SCRN1: variants seen among roughly 807,000 people sequenced by gnomAD.
The protein encoded by SCRN1 is secernin-1.
SCRN1 carries 19 observed loss-of-function variants against 43.3 expected under a neutral mutation model. The observed-to-expected ratio is 0.44, with a 90% confidence interval of 0.31 to 0.64. SCRN1 has a LOEUF of 0.64. SCRN1 is among the 30% of genes least tolerant of loss of function. The pLI, the probability that SCRN1 is intolerant of heterozygous loss-of-function variation, is 0.09. For synonymous variants in SCRN1, 183 were observed against 188.9 expected (o/e 0.97, Z 0.26); for missense variants, 447 against 524.1 (o/e 0.85, Z 1.44).
At chr7:29,962,057 G>A (rs906200334) in intron 2 of SCRN1, among the ~76,000 whole-genome samples, 2 of 151,716 alleles carry the variant, frequency 1.3e-5, no homozygotes, top group African/African-American at 4.8e-5. Flanking sequence ...GTGTCCAGAG[G>A]TTGCCCTAGA....
chr7:29,989,661 G>A lies in SCRN1; in HGVS notation c.-21C>T. 1 of 985,688 alleles carries A rather than the reference G, an allele frequency of 1.0e-6. No individual in the cohort carries two copies. Among genetic ancestry groups the A allele is most frequent in the Non-Finnish European group, 1.2e-6 (1 of 830,130 alleles). 61.1% of individuals were successfully genotyped at this position (985,688 alleles called of 1,614,324 possible). ...GCTCACCTGGGGCGGCGGGCTCCGG[G>A]CTCCGCTCTCCGCTCTGCGGTGCTG... On this transcript the variant is annotated 5_prime_UTR_variant, in exon 1 of 8. Transcript: ENST00000242059.
intron 1 of SCRN1, among the ~76,000 whole-genome samples, chr7:29,978,398 G>T (rs1409790309): frequency 1.3e-5 from 2 of 152,176 alleles, no homozygotes; most frequent in African/African-American, 2.4e-5. Context: ...AACAGGGCCT[G>T]TATTTCCTAT....
chr7:29,940,216 T>C (rs923108774), intron 5 of SCRN1, among the ~76,000 whole-genome samples: 4 of 152,048 alleles, frequency 2.6e-5, no homozygotes, highest in Admixed American at 6.6e-5. Flanking sequence ...AGTTAGTAAC[T>C]AGTTGGCAGA....
At chr7:29,989,938 C>T (rs1789314990), upstream of SCRN1, 1 of 1,218,344 alleles carries the variant, frequency 8.2e-7, no homozygotes, top group Non-Finnish European at 1.0e-6. Flanking sequence ...CGCGGCGCTG[C>T]TCACCGTCGA....
intron 5 of SCRN1, among the ~76,000 whole-genome samples, chr7:29,937,469 G>A (rs774162217): frequency 4.6e-5 from 7 of 152,050 alleles, no homozygotes; most frequent in East Asian, 1.9e-4. Context: ...TTTAAGCTAC[G>A]TTAATTTGGG....
At position 29,955,183 on chromosome 7, in the gene SCRN1, C is replaced by G; in HGVS notation, c.337G>C (p.Val113Leu). 2.5e-6 allele frequency: 4 copies of G among 1,613,974 alleles called. No individual in the cohort carries two copies. The highest frequency in any genetic ancestry group is 3.4e-6 in the Non-Finnish European group (4 of 1,179,912). The change falls in exon 3 of 8, where the codon GTC (valine) becomes CTC (leucine). Residue 113 changes from valine (V) to leucine (L), a missense_variant. By Grantham distance (32) the Val-to-Leu change is conservative. Coordinates refer to ENST00000242059, the MANE Select transcript of SCRN1 (RefSeq NM_014766.5). Reference sequence around the variant, plus strand: ...CAAAGAATCACCATGCAGTACCTGACCAGATCCATCCCCAGCAAGGCTTCT... The same window carrying G: ...CAAAGAATCACCATGCAGTACCTGAGCAGATCCATCCCCAGCAAGGCTTCT... ...EIEALLGMDL[V>L]RLGLERGETA...
intron 3 of SCRN1, among the ~76,000 whole-genome samples, chr7:29,945,301 G>C (rs140967242): frequency 1.2e-4 from 19 of 152,268 alleles, no homozygotes; most frequent in African/African-American, 4.1e-4. Flanking sequence ...TTGTGGGAGG[G>C]ACCCAAAAGG....
chr7:29,976,164 C>T (rs1444782408), intron 1 of SCRN1, among the ~76,000 whole-genome samples: 2 of 152,198 alleles, frequency 1.3e-5, no homozygotes, highest in African/African-American at 4.8e-5. Context: ...TTCAGACCAA[C>T]GCTGTCCAGG....
At chr7:29,925,453 G>A (rs1330600283) in intron 7 of SCRN1, among the ~76,000 whole-genome samples, 6 of 152,164 alleles carry the variant, frequency 3.9e-5, no homozygotes, top group Non-Finnish European at 8.8e-5. Context: ...AGGCCAGTTT[G>A]GACCTATTAA....
At position 29,936,545 on chromosome 7, in the gene SCRN1, C is replaced by G; in HGVS notation, c.905+11G>C. ...TTATGTTCTGCCTACGTGACCAGGC[C>G]TCGGACAAACCTGGAAGGATCAGGG... On this transcript the variant is annotated intron_variant, in intron 6 of 7. Transcript: ENST00000242059. The G allele has an allele frequency of 2.6e-6, 4 of 1,558,202 alleles. No individual in the cohort carries two copies. The highest frequency in any genetic ancestry group is 2.6e-6 in the Non-Finnish European group (3 of 1,140,622).
At chr7:29,932,963 G>T (rs1787210639) in intron 6 of SCRN1, among the ~76,000 whole-genome samples, 1 of 151,874 alleles carries the variant, frequency 6.6e-6, no homozygotes, top group African/African-American at 2.4e-5. Flanking sequence ...TGCAACCTTT[G>T]CCTCCCAGGT....
chr7:29,934,905 A>T (rs1787274662), intron 6 of SCRN1, among the ~76,000 whole-genome samples: 1 of 152,228 alleles, frequency 6.6e-6, no homozygotes, highest in Admixed American at 6.5e-5. Flanking sequence ...AGGAGGATGC[A>T]CGGCTCTAGC....
At chr7:29,925,622 T>C (rs1183834217) in intron 7 of SCRN1, among the ~76,000 whole-genome samples, 1 of 152,174 alleles carries the variant, frequency 6.6e-6, no homozygotes, top group Non-Finnish European at 1.5e-5. Context: ...TGGGTGGTTT[T>C]CTTGTTTGAA....
At chr7:29,940,553 T>C in intron 5 of SCRN1, 129 bp downstream of exon 5, 1 of 772,140 alleles carries the variant, frequency 1.3e-6, no homozygotes. Flanking sequence ...TTAGCAGAAG[T>C]TGGTCTTTAC....
intron 3 of SCRN1, among the ~76,000 whole-genome samples, chr7:29,953,133 G>A (rs371299465): frequency 7.2e-5 from 11 of 152,144 alleles, no homozygotes; most frequent in African/African-American, 2.4e-4. Flanking sequence ...TGAACATCCC[G>A]CAGTGTTTGC....
At chr7:29,952,863 C>G (rs938368624) in intron 3 of SCRN1, among the ~76,000 whole-genome samples, 3 of 152,130 alleles carry the variant, frequency 2.0e-5, no homozygotes, top group Non-Finnish European at 4.4e-5. Context: ...GACTCCATCC[C>G]CACCCTGAAG....
At chr7:29,979,070 G>A (rs1044939110) in intron 1 of SCRN1, among the ~76,000 whole-genome samples, 1 of 152,054 alleles carries the variant, frequency 6.6e-6, no homozygotes, top group Non-Finnish European at 1.5e-5. Flanking sequence ...ATTTTTTTAT[G>A]TCAAAAATTT....
chr7:29,985,219 C>A lies in SCRN1; in HGVS notation c.-2+4423G>T, dbSNP rs969320120. Among the ~76,000 whole-genome samples the A allele has an allele frequency of 6.6e-4, 95 of 143,210 alleles. 7 individuals carry two copies. Among genetic ancestry groups the A allele is most frequent in the Admixed American group, 6.4e-3 (91 of 14,298 alleles). The allele number at this position is 143,210 out of a possible 152,430, so 94.0% of individuals were successfully genotyped here. A position where few individuals can be genotyped will look rare whatever the true frequency, so the allele number is the denominator to read the frequency against. ...AGGAGTTTGAGACGAGCCTGACCAA[C>A]ATGGTGAAACCCCGTCTCTACTAAA... On this transcript the variant is annotated intron_variant, in intron 1 of 7. Coordinates refer to ENST00000242059, the MANE Select transcript of SCRN1 (RefSeq NM_014766.5).
At chr7:29,961,058 CTTTTTTTT>C (rs200892857) in intron 2 of SCRN1, among the ~76,000 whole-genome samples, 91 of 131,648 alleles carry the variant, frequency 6.9e-4, no homozygotes, top group African/African-American at 2.4e-3. Context: ...GATCTTATTT[CTTTTTTTT>C]TTTTTTTTTA....
Sources: gnomAD v4.1 joint callset for allele counts (sites outside exome capture counted in the v4.1 genomes callset) on GRCh38, gnomAD v4.1.1 for gene constraint, MANE v1.5 for transcripts, NCBI Gene and HGNC (gene_info 2026-07-23, HGNC 2026-07-21) for gene names.